The following IFT70B variants were observed in gnomAD, a reference collection of about 807,000 sequenced individuals.
IFT70B encodes intraflagellar transport 70B.
chr2:177,550,653 T>G, the IFT70B span: 3 of 953,980 alleles, frequency 3.1e-6, no homozygotes, highest in Non-Finnish European at 3.0e-6. Flanking sequence ...TTTTTTATAA[T>G]GCATAAGTGT....
the IFT70B span, chr2:177,552,330 C>T: frequency 6.2e-7 from 1 of 1,614,240 alleles, no homozygotes; most frequent in Admixed American, 1.7e-5. Flanking sequence ...ACTTTCCTCT[C>T]CCCCTTCCCT....
chr2:177,551,269 T>C, the IFT70B span: 7 of 1,613,492 alleles, frequency 4.3e-6, no homozygotes, highest in African/African-American at 2.7e-5. Context: ...GCCAGTACAA[T>C]AGCACTGACA....
the IFT70B span, chr2:177,552,749 G>C: frequency 1.3e-6 from 2 of 1,569,154 alleles, no homozygotes; most frequent in East Asian, 2.3e-5. Flanking sequence ...TCTGCGCGCC[G>C]CTCAGGCCAG....
the IFT70B span, chr2:177,552,580 C>A: frequency 5.0e-6 from 8 of 1,596,938 alleles, no homozygotes; most frequent in East Asian, 1.8e-4. Context: ...GCCGCCAGCG[C>A]GAACTCCTGC....
At chr2:177,550,829 T>C in the IFT70B span, 1 of 1,614,046 alleles carries the variant, frequency 6.2e-7, no homozygotes, top group East Asian at 2.2e-5. Flanking sequence ...CATATGTGAC[T>C]GTATTCTTTC....
At chr2:177,551,330 G>A in the IFT70B span, 4 of 1,613,690 alleles carry the variant, frequency 2.5e-6, no homozygotes, top group African/African-American at 4.0e-5. Context: ...AGAAACCAAT[G>A]GCTTCTTTGT....
the IFT70B span, chr2:177,551,673 G>A: frequency 6.2e-7 from 1 of 1,614,200 alleles, no homozygotes; most frequent in Non-Finnish European, 8.5e-7. Flanking sequence ...AGTGATCACA[G>A]CGTCCAAGAA....
the IFT70B span, chr2:177,551,820 TGTTG>T: frequency 3.1e-6 from 5 of 1,614,140 alleles, no homozygotes; most frequent in Non-Finnish European, 4.2e-6. Context: ...AAAGGGATTC[TGTTG>T]GAGCAAAAAC....
the IFT70B span, chr2:177,552,450 A>G: frequency 1.2e-6 from 2 of 1,612,964 alleles, no homozygotes; most frequent in Non-Finnish European, 1.7e-6. Flanking sequence ...GTTATCCAGG[A>G]GAAGGAAGGC....
chr2:177,552,074 G>A, the IFT70B span: 1 of 1,614,226 alleles, frequency 6.2e-7, no homozygotes, highest in Non-Finnish European at 8.5e-7. Context: ...TGCCCTCAGT[G>A]GTCATGCCCA....
At chr2:177,552,012 A>G in the IFT70B span, 1 of 1,614,192 alleles carries the variant, frequency 6.2e-7, no homozygotes, top group South Asian at 1.1e-5. Flanking sequence ...GAAGGCTTCC[A>G]CCAGAGCAGT....
chr2:177,549,650 T>C, the IFT70B span: 1 of 152,160 alleles, frequency 6.6e-6, no homozygotes, highest in Admixed American at 6.5e-5. Context: ...GGAAATCAAA[T>C]AGTAAGGCTC....
the IFT70B span, chr2:177,551,821 G>C: frequency 1.9e-6 from 3 of 1,614,134 alleles, no homozygotes; most frequent in Non-Finnish European, 2.5e-6. Flanking sequence ...AAGGGATTCT[G>C]TTGGAGCAAA....
chr2:177,551,350 C>T, the IFT70B span: 1 of 1,613,756 alleles, frequency 6.2e-7, no homozygotes, highest in Non-Finnish European at 8.5e-7. Flanking sequence ...TATTTGTTTT[C>T]CTGCATGAAC....
chr2:177,550,176 G>A, the IFT70B span: 1 of 152,198 alleles, frequency 6.6e-6, no homozygotes, highest in Admixed American at 6.5e-5. Flanking sequence ...ATCGTTCATT[G>A]TCTCTACATT....
chr2:177,550,747 A>G, the IFT70B span: 7 of 1,553,302 alleles, frequency 4.5e-6, no homozygotes, highest in Admixed American at 8.4e-5. Flanking sequence ...CATTTGATAA[A>G]TGCCACTATC....
At chr2:177,551,743 C>T in the IFT70B span, 2 of 1,614,234 alleles carry the variant, frequency 1.2e-6, no homozygotes, top group Non-Finnish European at 1.7e-6. Flanking sequence ...GCCAGGACAT[C>T]TGCTGCCAGG....
chr2:177,551,585 A>T, the IFT70B span: 1 of 1,614,128 alleles, frequency 6.2e-7, no homozygotes, highest in Non-Finnish European at 8.5e-7. Context: ...CTTGTATGGT[A>T]AGTTTCCGGA....
At chr2:177,551,927 G>C in the IFT70B span, 1 of 1,614,188 alleles carries the variant, frequency 6.2e-7, no homozygotes, top group East Asian at 2.2e-5. Context: ...CCTCTGCCCT[G>C]GGTGGCATGT....
Sources: allele counts gnomAD v4.1 joint callset, GRCh38; gene constraint gnomAD v4.1.1; transcripts MANE v1.5; gene names NCBI Gene and HGNC (gene_info 2026-07-23, HGNC 2026-07-21).